DLGAP1: variants seen among roughly 807,000 people sequenced by gnomAD.
The protein encoded by DLGAP1 is DLG associated protein 1, also known as disks large-associated protein 1.
DLGAP1 carries 11 observed loss-of-function variants against 90.8 expected under a neutral mutation model. That is an observed-to-expected ratio of 0.12 (90% CI 0.08 to 0.20). DLGAP1 has a LOEUF of 0.20. DLGAP1 is among the 10% of genes least tolerant of loss of function. The probability of loss-of-function intolerance (pLI) is 1.00; values close to 1 mark genes in which losing one functional copy is unlikely to be tolerated. For missense variants in DLGAP1, 1,050 were observed against 1,333.8 expected (o/e 0.79, Z 3.31); for synonymous variants, 558 against 540.7 (o/e 1.03, Z -0.44).
chr18:3,890,972 T>C (rs1255349695), intron 3 of DLGAP1, among the ~76,000 whole-genome samples: 1 of 152,226 alleles, frequency 6.6e-6, no homozygotes, highest in Non-Finnish European at 1.5e-5. Context: ...GTACTGAGCA[T>C]GAAGTCAAAT....
In DLGAP1 at chr18:3,923,133, C is replaced by CAAAA. The variant is rs34107115; in HGVS notation, c.-72-42997_-72-42994dup. ...TGGGCGACAGAGAGAGAACCTGTCT[C>CAAAA]AAAAAAAAAAAAAAAAAAAAAAGCA... On this transcript the variant is annotated intron_variant, in intron 3 of 12. Coordinates refer to ENST00000315677, the MANE Select transcript of DLGAP1 (RefSeq NM_004746.4). 5.9e-3 allele frequency among the ~76,000 whole-genome samples: 417 copies of CAAAA among 70,840 alleles called. 10 individuals are homozygous for CAAAA. The highest frequency in any genetic ancestry group is 0.014 in the Admixed American group (72 of 5,236). The allele number at this position is 70,840 out of a possible 152,430, so 46.5% of individuals were successfully genotyped here. A position where few individuals can be genotyped will look rare whatever the true frequency, so the allele number is the denominator to read the frequency against.
chr18:4,234,972 T>C (rs964101170), intron 1 of DLGAP1, among the ~76,000 whole-genome samples: 1 of 152,234 alleles, frequency 6.6e-6, no homozygotes, highest in Non-Finnish European at 1.5e-5. Context: ...TGTTCTCCCC[T>C]TCTCTTTCTT....
rs1424157355 is a variant in DLGAP1 at position 3,879,595 on chromosome 18, C to T, written c.474G>A (p.Pro158=). The T allele has an allele frequency of 6.2e-7, 1 of 1,600,982 alleles. No homozygotes were observed. Among genetic ancestry groups the T allele is most frequent in the Middle Eastern group, 1.7e-4 (1 of 6,052 alleles). The stretch of plus-strand genomic sequence containing the variant: ...TGCCCCCGTTGACGCTGCCCTTGGA[C>T]GGCCCCTCCAGGGAGTGCGACTTGG... ...LFTKSHSLEG[P]SKGSVNGGKA... Residue 158 remains proline, a synonymous_variant, in exon 4 of 13, where the codon CCG becomes CCA. Coordinates refer to ENST00000315677, the MANE Select transcript of DLGAP1 (RefSeq NM_004746.4). This position sits in a 1 kb window ranked among gnomAD's most constrained non-coding sequence, Gnocchi z 6.6.
At chr18:4,003,618 A>G (rs765405311) in intron 3 of DLGAP1, among the ~76,000 whole-genome samples, 28 of 152,184 alleles carry the variant, frequency 1.8e-4, no homozygotes, top group South Asian at 8.3e-4. Flanking sequence ...TTGGGGTGAA[A>G]GTGTCTCCAT....
chr18:4,301,899 AT>A (rs549300156), intron 1 of DLGAP1, among the ~76,000 whole-genome samples: 72 of 151,986 alleles, frequency 4.7e-4, no homozygotes, highest in Admixed American at 3.8e-3. Context: ...ATGAAATTGA[AT>A]TTTTTTTCAT....
rs2054403541 is a variant in DLGAP1, at chr18:3,565,922, T to TA, written c.2057+1567dup. 1.3e-5 allele frequency among the ~76,000 whole-genome samples: 2 copies of TA among 152,232 alleles called. No homozygotes were observed. The highest frequency in any genetic ancestry group is 2.1e-4 in the South Asian group (1 of 4,816). On this transcript the variant is annotated intron_variant, in intron 9 of 12. Coordinates refer to ENST00000315677, the MANE Select transcript of DLGAP1 (RefSeq NM_004746.4). This position sits in a 1 kb window ranked among gnomAD's most constrained non-coding sequence, Gnocchi z 4.0. ...AAAAGAAAAAAGTCACTCCTAAACC[T>TA]ACCATTTGTACGTATTACATTTCAG... is the stretch of plus-strand genomic sequence containing the variant.
intron 1 of DLGAP1, among the ~76,000 whole-genome samples, chr18:4,317,245 G>C (rs1450577561): frequency 2.6e-5 from 4 of 152,144 alleles, no homozygotes; most frequent in Non-Finnish European, 5.9e-5. Context: ...TATTCATGTA[G>C]GGCCGTCACA....
intron 4 of DLGAP1, chr18:3,874,214 A>G (rs767252328): frequency 1.0e-5 from 16 of 1,549,900 alleles, no homozygotes; most frequent in African/African-American, 1.4e-5. Flanking sequence ...ACTCAGCCTT[A>G]AAAAGGTCGA....
chr18:4,362,716 AC>A (rs2081656545), intron 1 of DLGAP1, among the ~76,000 whole-genome samples: 1 of 152,166 alleles, frequency 6.6e-6, no homozygotes, highest in Non-Finnish European at 1.5e-5. Context: ...AATGGTAAAA[AC>A]GTTTAAGATA....
intron 5 of DLGAP1, among the ~76,000 whole-genome samples, chr18:3,755,653 G>C (rs2063690513): frequency 6.6e-6 from 1 of 152,096 alleles, no homozygotes; most frequent in African/African-American, 2.4e-5. Context: ...CCTAACAATA[G>C]AGTCCCAAAA....
chr18:3,915,152 G>A (rs2072116082), intron 3 of DLGAP1, among the ~76,000 whole-genome samples: 1 of 152,142 alleles, frequency 6.6e-6, no homozygotes, highest in Non-Finnish European at 1.5e-5. Flanking sequence ...TTTGCCATTT[G>A]TATGTCTTCT....
chr18:3,822,192 CT>C (rs2067460546), intron 4 of DLGAP1, among the ~76,000 whole-genome samples: 1 of 152,162 alleles, frequency 6.6e-6, no homozygotes, highest in African/African-American at 2.4e-5. Context: ...TTTTAGATTG[CT>C]TAAAATTACC....
At chr18:3,792,091 G>A (rs1331405208) in intron 5 of DLGAP1, among the ~76,000 whole-genome samples, 2 of 152,154 alleles carry the variant, frequency 1.3e-5, no homozygotes, top group Non-Finnish European at 2.9e-5. Context: ...CACTGCAGAA[G>A]CCCTATGCCC....
chr18:3,866,309 T>C (rs887527055), intron 4 of DLGAP1, among the ~76,000 whole-genome samples: 1 of 152,238 alleles, frequency 6.6e-6, no homozygotes, highest in African/African-American at 2.4e-5. Flanking sequence ...GGGGAACTTA[T>C]CAGAGTTTTC....
At chr18:4,233,653 A>T (rs2078344957) in intron 1 of DLGAP1, among the ~76,000 whole-genome samples, 1 of 152,142 alleles carries the variant, frequency 6.6e-6, no homozygotes, top group Admixed American at 6.6e-5. Context: ...CAACACTCAA[A>T]GGGAAGGGAA....
intron 3 of DLGAP1, among the ~76,000 whole-genome samples, chr18:4,000,823 C>A (rs1365735859): frequency 1.3e-5 from 2 of 152,122 alleles, no homozygotes; most frequent in African/African-American, 4.8e-5. Flanking sequence ...GACTTTTTAA[C>A]TAGTGCCAAA....
At chr18:3,757,108 A>T (rs2147868722) in intron 5 of DLGAP1, among the ~76,000 whole-genome samples, 1 of 152,254 alleles carries the variant, frequency 6.6e-6, no homozygotes, top group South Asian at 2.1e-4. Context: ...CTGAGATCAA[A>T]GCCAAAGATA....
In DLGAP1 at chr18:3,765,366, A is replaced by G. The variant is rs550679667; in HGVS notation, c.1173-22854T>C. Among the ~76,000 whole-genome samples the G allele has an allele frequency of 1.4e-3, 209 of 150,490 alleles. 1 individual carries two copies. Among genetic ancestry groups the G allele is most frequent in the East Asian group, 4.1e-3 (20 of 4,922 alleles). ...AGGATGGTCTCGATCTCCTGACCTC[A>G]TGATCTGCCCACCTTGGCCTCCCAA... On this transcript the variant is annotated intron_variant, in intron 5 of 12. Transcript: ENST00000315677.
intron 8 of DLGAP1, among the ~76,000 whole-genome samples, chr18:3,574,777 C>A (rs1276348867): frequency 7.5e-6 from 1 of 133,454 alleles, no homozygotes; most frequent in East Asian, 2.1e-4. Context: ...AGATAATGTG[C>A]CTTTTTATTT....
Sources: allele counts gnomAD v4.1 joint callset (sites outside exome capture counted in the v4.1 genomes callset), GRCh38; gene constraint gnomAD v4.1.1; non-coding constraint Gnocchi (gnomAD v3.1); transcripts MANE v1.5; gene names NCBI Gene and HGNC (gene_info 2026-07-23, HGNC 2026-07-21).